Variants in RPAP2 observed in about 807,000 individuals in gnomAD.
RPAP2 encodes putative RNA polymerase II subunit B1 CTD phosphatase RPAP2.
Under a neutral mutation model 73.1 loss-of-function variants are expected in RPAP2, and 52 were observed. The ratio of observed to expected loss-of-function variants is 0.71; its 90% CI spans 0.57 to 0.90. The LOEUF (loss-of-function observed/expected upper bound fraction) is 0.90, where lower values mean the gene tolerates loss of function less well. Among genes scored for constraint, RPAP2 ranks in the 40% least tolerant of loss-of-function variants. The probability of loss-of-function intolerance (pLI) is 0.00; values close to 1 mark genes in which losing one functional copy is unlikely to be tolerated. For missense variants in RPAP2, 598 were observed against 701.8 expected, an observed-to-expected ratio of 0.85 and a Z score of 1.67; for synonymous variants, 225 against 242.1, an observed-to-expected ratio of 0.93 and a Z score of 0.65.
intron 12 of RPAP2, 123 bp downstream of exon 12, chr1:92,380,996 A>T: frequency 1.4e-6 from 1 of 729,266 alleles, no homozygotes; most frequent in Non-Finnish European, 2.1e-6. Context: ...TCAGTTTGCT[A>T]AGGAAGGACA....
At chr1:92,331,750 CCTT>C (rs1294475214) in intron 8 of RPAP2, among the ~76,000 whole-genome samples, 1 of 152,040 alleles carries the variant, frequency 6.6e-6, no homozygotes. Context: ...GTTTTTCATT[CCTT>C]CTTCTATCCC....
rs766032309 is a variant in RPAP2 at position 92,384,245 on chromosome 1, C to T, written c.*-2766C>T. 2.6e-5 allele frequency among the ~76,000 whole-genome samples: 4 copies of T among 152,012 alleles called. No homozygotes were observed. In the South Asian group the frequency reaches 6.2e-4, roughly 24 times the overall value. On this transcript the variant is annotated intron_variant, in intron 12 of 12. Coordinates refer to ENST00000610020, the MANE Select transcript of RPAP2 (RefSeq NM_024813.3). ...TGCTGGGATTACAAGCGTGAGCCACCGTGCCTGGCCTATAAAACAATCTTT... is the reference window on the plus strand; with the variant it reads ...TGCTGGGATTACAAGCGTGAGCCACTGTGCCTGGCCTATAAAACAATCTTT...
In RPAP2 at chr1:92,395,821, T is replaced by A. The variant is rs989237590; in HGVS notation, c.*8810T>A. On this transcript the variant is annotated 3_prime_UTR_variant, in exon 13 of 13. Transcript: ENST00000610020. Reference sequence around the variant, plus strand: ...TTGAATAGATATTTCAGCAAAGATATACAAATTGCTTAGCATATGAAGAGA... The same window carrying A: ...TTGAATAGATATTTCAGCAAAGATAAACAAATTGCTTAGCATATGAAGAGA... 1 of 152,180 alleles carries A rather than the reference T, an allele frequency of 6.6e-6. No individual in the cohort carries two copies. Among genetic ancestry groups the A allele is most frequent in the Non-Finnish European group, 1.5e-5 (1 of 68,048 alleles). 9.4% of individuals were successfully genotyped at this position (152,180 alleles called of 1,614,324 possible).
At chr1:92,315,553 A>G (rs1407324712) in intron 6 of RPAP2, among the ~76,000 whole-genome samples, 1 of 152,240 alleles carries the variant, frequency 6.6e-6, no homozygotes, top group African/African-American at 2.4e-5. Context: ...TAAACAAGGT[A>G]TGCTTGTGTA....
At chr1:92,306,707 G>A (rs1170980786) in intron 5 of RPAP2, among the ~76,000 whole-genome samples, 1 of 151,976 alleles carries the variant, frequency 6.6e-6, no homozygotes, top group African/African-American at 2.4e-5. Flanking sequence ...CAGGTGTGGT[G>A]GCACGCCTGT....
intron 9 of RPAP2, among the ~76,000 whole-genome samples, chr1:92,335,016 C>T (rs1203468297): frequency 6.6e-6 from 1 of 151,540 alleles, no homozygotes; most frequent in African/African-American, 2.4e-5. Flanking sequence ...AAAAATTAAT[C>T]GGGTGTTGTG....
intron 8 of RPAP2, among the ~76,000 whole-genome samples, chr1:92,329,607 G>C (rs1005780445): frequency 1.3e-5 from 2 of 152,190 alleles, no homozygotes; most frequent in Non-Finnish European, 2.9e-5. Flanking sequence ...AAAAGTTCAT[G>C]ATGGGAGTCT....
intron 12 of RPAP2, among the ~76,000 whole-genome samples, chr1:92,385,064 C>T (rs983509767): frequency 6.0e-5 from 9 of 150,988 alleles, no homozygotes; most frequent in African/African-American, 2.2e-4. Flanking sequence ...ATCCCAGCTA[C>T]TCGGGAGGCT....
intron 1 of RPAP2, 43 bp from the exon 2 acceptor site, chr1:92,300,151 C>A: frequency 1.4e-6 from 2 of 1,427,918 alleles, no homozygotes; most frequent in Non-Finnish European, 9.8e-7. Context: ...CCGTCGTTTA[C>A]GGAAATGTCA....
chr1:92,351,931 C>T (rs933544674), intron 11 of RPAP2, among the ~76,000 whole-genome samples: 2 of 152,124 alleles, frequency 1.3e-5, no homozygotes, highest in Non-Finnish European at 2.9e-5. Context: ...TCAAATGTCT[C>T]TTGGTGGCCA....
At chr1:92,386,278 T>C (rs889793695) in intron 12 of RPAP2, among the ~76,000 whole-genome samples, 9 of 152,156 alleles carry the variant, frequency 5.9e-5, no homozygotes, top group East Asian at 1.9e-4. Flanking sequence ...ACAACAGCCA[T>C]TGGGGGATAT....
chr1:92,307,714 A>G (rs1651333721), intron 6 of RPAP2, among the ~76,000 whole-genome samples: 1 of 117,616 alleles, frequency 8.5e-6, no homozygotes, highest in South Asian at 3.4e-4. Flanking sequence ...TTAAAGACAC[A>G]ATTAAAAAGT....
chr1:92,310,986 C>T (rs751934692), intron 6 of RPAP2, among the ~76,000 whole-genome samples: 1 of 152,216 alleles, frequency 6.6e-6, no homozygotes, highest in Non-Finnish European at 1.5e-5. Context: ...TACATTATCT[C>T]ATATATGCAT....
At chr1:92,384,387 G>A (rs1655778201) in intron 12 of RPAP2, among the ~76,000 whole-genome samples, 1 of 151,810 alleles carries the variant, frequency 6.6e-6, no homozygotes, top group Admixed American at 6.6e-5. Flanking sequence ...ACTTTGGGAG[G>A]CTGAGGCAGG....
intron 11 of RPAP2, among the ~76,000 whole-genome samples, chr1:92,346,167 TTG>T (rs1263736241): frequency 2.0e-4 from 30 of 147,498 alleles, no homozygotes; most frequent in African/African-American, 7.6e-4. Flanking sequence ...CATCTCTTTT[TTG>T]TTTTTTTTTT....
At chr1:92,354,538 A>G (rs1443125753) in intron 11 of RPAP2, among the ~76,000 whole-genome samples, 1 of 152,224 alleles carries the variant, frequency 6.6e-6, no homozygotes, top group Admixed American at 6.5e-5. Flanking sequence ...TTTCTTTTGA[A>G]TTAGAAATAT....
chr1:92,334,015 C>A (rs1275365727), intron 9 of RPAP2, among the ~76,000 whole-genome samples: 1 of 152,088 alleles, frequency 6.6e-6, no homozygotes, highest in Non-Finnish European at 1.5e-5. Flanking sequence ...TTAAAAATTG[C>A]TATCTTGGTT....
At chr1:92,309,544 CACA>C (rs1333775292) in intron 6 of RPAP2, among the ~76,000 whole-genome samples, 1 of 40,760 alleles carries the variant, frequency 2.5e-5, no homozygotes, top group African/African-American at 1.9e-4. Flanking sequence ...TACACACATA[CACA>C]TACACATACA....
intron 10 of RPAP2, among the ~76,000 whole-genome samples, chr1:92,338,515 A>G (rs1349637472): frequency 6.6e-6 from 1 of 152,252 alleles, no homozygotes; most frequent in Non-Finnish European, 1.5e-5. Context: ...ATAAAGTTTA[A>G]ATAGATATAC....
Sources: allele counts gnomAD v4.1 joint callset (sites outside exome capture counted in the v4.1 genomes callset), GRCh38; gene constraint gnomAD v4.1.1; transcripts MANE v1.5; gene names NCBI Gene and HGNC (gene_info 2026-07-23, HGNC 2026-07-21).